The following UBE2J1 variants were observed in gnomAD, a reference collection of about 807,000 sequenced individuals.
UBE2J1 encodes ubiquitin conjugating enzyme E2 J1.
Under a neutral mutation model 42.1 loss-of-function variants are expected in UBE2J1, and 17 were observed. The observed-to-expected ratio is 0.40, with a 90% confidence interval of 0.28 to 0.61. UBE2J1 has a LOEUF of 0.61. UBE2J1 is among the 20% of genes least tolerant of loss of function. The pLI is 0.38. For missense variants in UBE2J1, 291 were observed against 389.4 expected (o/e 0.75, Z 2.13); for synonymous variants, 127 against 137.2 (o/e 0.93, Z 0.52).
At chr6:89,342,535 C>G (rs902489320) in intron 2 of UBE2J1, 80 bp from the exon 3 acceptor site, 1 of 1,343,662 alleles carries the variant, frequency 7.4e-7, no homozygotes, top group East Asian at 2.5e-5. Context: ...GAAATATTAC[C>G]AAGCAAGAAA....
In UBE2J1 at chr6:89,327,791, G is replaced by A. The variant is rs982894973; in HGVS notation, c.*1888C>T. On this transcript the variant is annotated 3_prime_UTR_variant, in exon 8 of 8. Coordinates refer to ENST00000435041, the MANE Select transcript of UBE2J1 (RefSeq NM_016021.3). ...TTGACTGAGGGGAAACGGAGGGAAG[G>A]CTGTTCCTAGCACACAATCTCAGCA... 2.0e-5 allele frequency: 3 copies of A among 152,222 alleles called. No individual in the cohort carries two copies. Among genetic ancestry groups the A allele is most frequent in the African/African-American group, 7.2e-5 (3 of 41,448 alleles). The allele number at this position is 152,222 out of a possible 1,614,324, so 9.4% of individuals were successfully genotyped here.
chr6:89,350,444 G>T (rs2127875109), intron 1 of UBE2J1, among the ~76,000 whole-genome samples: 1 of 152,232 alleles, frequency 6.6e-6, no homozygotes, highest in South Asian at 2.1e-4. Context: ...AAATACCACA[G>T]GACTGAGAAT....
rs541427232 is a variant in UBE2J1, at chr6:89,336,485, T to A, written c.429-1054A>T. ...TTTATTTTATTTTATTTTTTTTTTTTATTTCATTTTATTATTATTTTTTTT... is the reference window on the plus strand; with the variant it reads ...TTTATTTTATTTTATTTTTTTTTTTAATTTCATTTTATTATTATTTTTTTT... On this transcript the variant is annotated intron_variant, in intron 5 of 7. Transcript: ENST00000435041. 7.2e-3 allele frequency among the ~76,000 whole-genome samples: 1,082 copies of A among 150,368 alleles called. 12 individuals are homozygous for A. Among genetic ancestry groups the A allele is most frequent in the African/African-American group, 0.023 (956 of 40,996 alleles).
At chr6:89,336,299 TTTG>T (rs1397953785) in intron 5 of UBE2J1, among the ~76,000 whole-genome samples, 1 of 151,918 alleles carries the variant, frequency 6.6e-6, no homozygotes, top group African/African-American at 2.4e-5. Flanking sequence ...TGTTTGTTTG[TTTG>T]TTTGAGACAG....
rs140834471 is a variant in UBE2J1 at position 89,347,692 on chromosome 6, T to C, written c.32-3936A>G. Among the ~76,000 whole-genome samples, 628 of 152,264 alleles carry C rather than the reference T, an allele frequency of 4.1e-3. 2 individuals carry two copies. Among genetic ancestry groups the C allele is most frequent in the African/African-American group, 0.014 (599 of 41,524 alleles). ...GTCTCTTGTTTCCATAAGCTATTTT[T>C]TTTGCAAAAATAACATATATTATGA... On this transcript the variant is annotated intron_variant, in intron 1 of 7. Transcript: ENST00000435041.
chr6:89,345,935 G>A (rs114744269), intron 1 of UBE2J1, among the ~76,000 whole-genome samples: 5,839 of 150,314 alleles, frequency 0.039, 115 homozygotes, highest in South Asian at 0.096. Context: ...CCTCCAGGCC[G>A]GAGGGCAGTG....
intron 1 of UBE2J1, among the ~76,000 whole-genome samples, chr6:89,347,627 C>A (rs186525278): frequency 6.6e-6 from 1 of 152,300 alleles, no homozygotes; most frequent in Admixed American, 6.5e-5. Context: ...AGGCACATAC[C>A]ATGTAAGAGC....
intron 1 of UBE2J1, among the ~76,000 whole-genome samples, chr6:89,352,111 A>C (rs2127876499): frequency 6.6e-6 from 1 of 152,290 alleles, no homozygotes; most frequent in Non-Finnish European, 1.5e-5. Flanking sequence ...TAAACGACCA[A>C]CTCCTCAAAT....
chr6:89,342,903 C>G (rs187902037), intron 2 of UBE2J1, among the ~76,000 whole-genome samples: 10 of 152,280 alleles, frequency 6.6e-5, no homozygotes, highest in Admixed American at 1.3e-4. Context: ...TGTCATCTTA[C>G]AGTTACCATG....
Position 89,330,992 on chromosome 6 carries a change from C to T in UBE2J1, c.679-1035G>A, listed in dbSNP as rs1167407161. On this transcript the variant is annotated intron_variant, in intron 7 of 7. Transcript: ENST00000435041. Reference sequence around the variant, plus strand: ...AACAAAACTGCCTTCAGTGTTTTTCCCATTTCTACATTTCCCATTGCTTTT... The same window carrying T: ...AACAAAACTGCCTTCAGTGTTTTTCTCATTTCTACATTTCCCATTGCTTTT... Among the ~76,000 whole-genome samples, 17 of 152,066 alleles carry T rather than the reference C, an allele frequency of 1.1e-4. 1 individual carries two copies. The highest frequency in any genetic ancestry group is 1.1e-3 in the Admixed American group (17 of 15,264).
chr6:89,346,961 G>A (rs1299475731), intron 1 of UBE2J1, among the ~76,000 whole-genome samples: 1 of 152,192 alleles, frequency 6.6e-6, no homozygotes, highest in Non-Finnish European at 1.5e-5. Context: ...AATATTAGTT[G>A]AATTAAATTT....
At chr6:89,349,790 T>C (rs929643091) in intron 1 of UBE2J1, among the ~76,000 whole-genome samples, 10 of 152,158 alleles carry the variant, frequency 6.6e-5, no homozygotes, top group African/African-American at 2.4e-4. Flanking sequence ...CTTAGACTTC[T>C]GGTGGAGGCA....
chr6:89,332,928 T>C (rs74531280), intron 7 of UBE2J1, among the ~76,000 whole-genome samples, 158 bp downstream of exon 7: 6,165 of 152,248 alleles, frequency 0.04, 437 homozygotes, highest in African/African-American at 0.14. Context: ...CATGAACAAC[T>C]TGCTCAACAT....
At position 89,338,271 on chromosome 6, in the gene UBE2J1, G is replaced by A. The variant is rs764695309; in HGVS notation, c.362C>T (p.Thr121Ile). 3.1e-6 allele frequency: 5 copies of A among 1,613,570 alleles called. No individual in the cohort carries two copies. The highest frequency in any genetic ancestry group is 4.2e-6 in the Non-Finnish European group (5 of 1,179,862). The change falls in exon 5 of 8, where the codon ACA becomes ATA. Residue 121 changes from threonine to isoleucine, a missense_variant. This residue lies in a region of UBE2J1 where 115 missense variants were observed against 193.1 expected (regional missense o/e 0.60). Transcript: ENST00000435041. ...AGAACCTATGGCTCCCTCTCCTTTT[G>A]TTGGCATAAACCCAATGATGGCTAA... is the stretch of plus-strand genomic sequence containing the variant. ...ALLAIIGFMP[T>I]KGEGAIGSLD...
Position 89,352,712 on chromosome 6 carries a change from G to T in UBE2J1, c.-143C>A. 1 of 932,590 alleles carries T rather than the reference G, an allele frequency of 1.1e-6. No individual in the cohort carries two copies. The highest frequency in any genetic ancestry group is 1.5e-6 in the Non-Finnish European group (1 of 680,968). 57.8% of individuals were successfully genotyped at this position (932,590 alleles called of 1,614,324 possible). A position where few individuals can be genotyped will look rare whatever the true frequency, so the allele number is the denominator to read the frequency against. Reference sequence around the variant, plus strand: ...AATGCCGCCCAGTCCAGCCTGGACTGCGGGCGGGGTGGCAAGGCTGAGTGC... The same window carrying T: ...AATGCCGCCCAGTCCAGCCTGGACTTCGGGCGGGGTGGCAAGGCTGAGTGC... On this transcript the variant is annotated 5_prime_UTR_variant, in exon 1 of 8. Transcript: ENST00000435041.
intron 7 of UBE2J1, among the ~76,000 whole-genome samples, chr6:89,331,389 T>C (rs750443637): frequency 1.3e-5 from 2 of 152,240 alleles, no homozygotes; most frequent in African/African-American, 2.4e-5. Context: ...CTAAGTTTTA[T>C]GTACTAAATC....
intron 1 of UBE2J1, among the ~76,000 whole-genome samples, chr6:89,345,885 C>T (rs1173827520): frequency 6.7e-6 from 1 of 148,540 alleles, no homozygotes; most frequent in Non-Finnish European, 1.5e-5. Flanking sequence ...CCAGCCTGGG[C>T]AACAAGAGCG....
Position 89,329,877 on chromosome 6 carries a change from T to A in UBE2J1, c.759A>T (p.Arg253=). The change falls in exon 8 of 8, where the codon CGA becomes CGT. Residue 253 remains arginine (R), a synonymous_variant. Coordinates refer to ENST00000435041, the MANE Select transcript of UBE2J1 (RefSeq NM_016021.3). ...GACTCTGCTGCTGGGCCCGGCGCTG[T>A]CGAGGGCTCATGGAGGTATTCTTAG... ...PVAKNTSMSP[R]QRRAQQQSQR... 6.2e-7 allele frequency: 1 copy of A among 1,614,048 alleles called. No individual in the cohort carries two copies. Among genetic ancestry groups the A allele is most frequent in the Middle Eastern group, 1.6e-4 (1 of 6,062 alleles).
chr6:89,335,341 G>A lies in UBE2J1; in HGVS notation c.519C>T (p.Asp173=). 1 of 1,607,562 alleles carries A rather than the reference G, an allele frequency of 6.2e-7. No homozygotes were observed. Among genetic ancestry groups the A allele is most frequent in the Non-Finnish European group, 8.5e-7 (1 of 1,175,994 alleles). ...LKSGSDSSQA[D]QEAKELARQI... is the part of the protein sequence containing the mutation. Reference sequence around the variant, plus strand: ...GCCTAGCCAGTTCTTTGGCTTCTTGGTCAGCTTGGCTTGAATCGCTTCCAG... The same window carrying A: ...GCCTAGCCAGTTCTTTGGCTTCTTGATCAGCTTGGCTTGAATCGCTTCCAG... Residue 173 remains aspartate (D), a synonymous_variant, in exon 6 of 8, where the codon GAC becomes GAT. Transcript: ENST00000435041.
Sources: allele counts gnomAD v4.1 joint callset (sites outside exome capture counted in the v4.1 genomes callset), GRCh38; gene constraint gnomAD v4.1.1; regional missense constraint gnomAD v4.1.1; transcripts MANE v1.5; gene names NCBI Gene and HGNC (gene_info 2026-07-23, HGNC 2026-07-21).